Variants in DCC observed in about 807,000 individuals in gnomAD.
DCC encodes the protein DCC netrin 1 receptor, also known as netrin receptor DCC.
Under a neutral mutation model 172.5 loss-of-function variants are expected in DCC, and 58 were observed. That is an observed-to-expected ratio of 0.34 (90% confidence interval 0.27 to 0.42). The LOEUF (loss-of-function observed/expected upper bound fraction) is 0.42. DCC is among the 10% of genes least tolerant of loss of function. DCC has a pLI of 1.00. For synonymous variants in DCC, 709 were observed against 644.5 expected (o/e 1.10, Z -1.52); for missense variants, 1,740 against 1,791.0 (o/e 0.97, Z 0.51).
At chr18:53,397,982 A>G (rs1221596499) in intron 18 of DCC, among the ~76,000 whole-genome samples, 9 of 152,008 alleles carry the variant, frequency 5.9e-5, no homozygotes, top group Non-Finnish European at 1.3e-4. Context: ...GCAATTTTAA[A>G]TAGTTCAAAT....
intron 5 of DCC, among the ~76,000 whole-genome samples, chr18:52,945,813 A>G (rs2040536317): frequency 6.6e-6 from 1 of 152,216 alleles, no homozygotes; most frequent in South Asian, 2.1e-4. Flanking sequence ...TGTAGCCTAC[A>G]GGCTTTGTTT....
At chr18:52,510,898 T>A (rs1258860733) in intron 1 of DCC, among the ~76,000 whole-genome samples, 1 of 152,064 alleles carries the variant, frequency 6.6e-6, no homozygotes, top group Non-Finnish European at 1.5e-5. Flanking sequence ...ATCATTACAG[T>A]GTCCTGATTT....
chr18:53,297,560 G>A (rs925108970), intron 12 of DCC, among the ~76,000 whole-genome samples: 4 of 152,152 alleles, frequency 2.6e-5, no homozygotes, highest in African/African-American at 9.7e-5. Context: ...CATGTGTTAA[G>A]TACTTTTAAT....
intron 3 of DCC, among the ~76,000 whole-genome samples, chr18:52,920,252 A>G (rs1353349200): frequency 6.6e-6 from 1 of 152,082 alleles, no homozygotes; most frequent in East Asian, 1.9e-4. Flanking sequence ...TCTACAAAAG[A>G]TACTTTTAAA....
At chr18:52,713,903 G>A (rs1568058677) in intron 1 of DCC, among the ~76,000 whole-genome samples, 1 of 152,182 alleles carries the variant, frequency 6.6e-6, no homozygotes, top group Non-Finnish European at 1.5e-5. Flanking sequence ...GTTTTGCACA[G>A]AAAGGAAGAT....
chr18:53,368,571 G>C (rs1568086485), intron 15 of DCC, among the ~76,000 whole-genome samples: 1 of 152,058 alleles, frequency 6.6e-6, no homozygotes, highest in South Asian at 2.1e-4. Flanking sequence ...GTTTTATAGT[G>C]TTACATCTGA....
Position 53,206,909 on chromosome 18 carries a change from C to G in DCC, c.1723-770C>G, listed in dbSNP as rs138223608. ...AGAAATATTTTATATTCAAAAATAG[C>G]TCAAGCCCAGTCCCAAATTATATTA... On this transcript the variant is annotated intron_variant, in intron 10 of 28. Coordinates refer to ENST00000442544, the MANE Select transcript of DCC (RefSeq NM_005215.4). 2.6e-5 allele frequency among the ~76,000 whole-genome samples: 4 copies of G among 151,816 alleles called. No homozygotes were observed. The East Asian group carries it at 7.7e-4, about 29-fold the overall frequency.
intron 3 of DCC, among the ~76,000 whole-genome samples, chr18:52,917,148 A>C (rs1198641762): frequency 2.7e-5 from 4 of 150,378 alleles, no homozygotes; most frequent in Non-Finnish European, 5.9e-5. Flanking sequence ...AAAAAAAAAA[A>C]AACAAGAAAA....
chr18:53,225,215 A>C (rs1269845584), intron 12 of DCC, among the ~76,000 whole-genome samples: 1 of 152,196 alleles, frequency 6.6e-6, no homozygotes, highest in South Asian at 2.1e-4. Context: ...GGGATTAAGT[A>C]GAGTGACTAT....
At chr18:53,204,659 T>C (rs1325660409) in intron 9 of DCC, among the ~76,000 whole-genome samples, 4 of 152,232 alleles carry the variant, frequency 2.6e-5, no homozygotes, top group Admixed American at 2.6e-4. Flanking sequence ...AGAGAAAATG[T>C]AATACTAAAA....
At chr18:52,993,477 G>A (rs1014806871) in intron 5 of DCC, among the ~76,000 whole-genome samples, 1 of 152,134 alleles carries the variant, frequency 6.6e-6, no homozygotes, top group African/African-American at 2.4e-5. Flanking sequence ...TTAATGGAAT[G>A]TCTGTTACCA....
chr18:52,487,276 C>T (rs2030272609), intron 1 of DCC, among the ~76,000 whole-genome samples: 1 of 152,088 alleles, frequency 6.6e-6, no homozygotes, highest in Non-Finnish European at 1.5e-5. Context: ...TCGTAAAACA[C>T]AGATGCAACT....
At chr18:52,817,987 C>T (rs2038334120) in intron 2 of DCC, 2 of 152,098 alleles carry the variant, frequency 1.3e-5, no homozygotes, top group Admixed American at 6.5e-5. Context: ...ATATGAAATG[C>T]TACATGTCAT....
At chr18:53,021,646 C>T (rs906559034) in intron 5 of DCC, among the ~76,000 whole-genome samples, 1 of 152,102 alleles carries the variant, frequency 6.6e-6, no homozygotes, top group Non-Finnish European at 1.5e-5. Flanking sequence ...TTGGAGTATT[C>T]CCCAGCACTG....
At chr18:52,993,239 G>A (rs961974420) in intron 5 of DCC, among the ~76,000 whole-genome samples, 1 of 152,114 alleles carries the variant, frequency 6.6e-6, no homozygotes, top group Non-Finnish European at 1.5e-5. Context: ...CAAAGGCAGA[G>A]GGATAAGAAA....
intron 15 of DCC, among the ~76,000 whole-genome samples, chr18:53,375,184 G>T (rs1327356297): frequency 6.6e-6 from 1 of 152,118 alleles, no homozygotes; most frequent in Non-Finnish European, 1.5e-5. Context: ...CATAAACAGG[G>T]ACTCAGGTTC....
chr18:53,111,275 G>A (rs1413729834), intron 7 of DCC, among the ~76,000 whole-genome samples: 2 of 146,064 alleles, frequency 1.4e-5, no homozygotes, highest in Non-Finnish European at 3.0e-5. Context: ...GGGAGGGATA[G>A]CATTAGGAGA....
intron 2 of DCC, among the ~76,000 whole-genome samples, chr18:52,791,706 A>G (rs75675047): frequency 0.049 from 7,401 of 152,098 alleles, 246 homozygotes; most frequent in South Asian, 0.16. Flanking sequence ...AGTTGCATTT[A>G]AGCATCTGTT....
chr18:52,796,411 G>T (rs569264993), intron 2 of DCC, among the ~76,000 whole-genome samples: 73 of 152,028 alleles, frequency 4.8e-4, no homozygotes, highest in African/African-American at 1.7e-3. Context: ...CTACCAGTGA[G>T]TTTTATACTT....
Sources: allele counts gnomAD v4.1 joint callset (sites outside exome capture counted in the v4.1 genomes callset), GRCh38; gene constraint gnomAD v4.1.1; transcripts MANE v1.5; gene names NCBI Gene and HGNC (gene_info 2026-07-23, HGNC 2026-07-21).